Variants in TIAM1 observed in about 807,000 individuals in gnomAD.
TIAM1 encodes the protein TIAM Rac1 associated GEF 1, also known as rho guanine nucleotide exchange factor TIAM1.
Under a neutral mutation model 163.5 loss-of-function variants are expected in TIAM1, and 65 were observed. That is an observed-to-expected ratio of 0.40 (90% CI 0.33 to 0.49). The LOEUF is 0.49. Among genes scored for constraint, TIAM1 ranks in the 20% least tolerant of loss-of-function variants. The pLI is 0.77. For synonymous variants in TIAM1, 833 were observed against 810.1 expected, an observed-to-expected ratio of 1.03 and a Z score of -0.48; for missense variants, 1,789 against 2,044.7, an observed-to-expected ratio of 0.87 and a Z score of 2.41.
chr21:31,541,855 A>G (rs1025701462), intron 1 of TIAM1, among the ~76,000 whole-genome samples: 3 of 152,238 alleles, frequency 2.0e-5, no homozygotes, highest in African/African-American at 7.2e-5. Flanking sequence ...ACACATTTTA[A>G]AAGAGTAAGC....
intron 2 of TIAM1, among the ~76,000 whole-genome samples, chr21:31,451,932 G>C (rs528117646): frequency 6.6e-6 from 1 of 152,178 alleles, no homozygotes; most frequent in African/African-American, 2.4e-5. Flanking sequence ...CTAACACCCA[G>C]ACTAAAAATC....
At chr21:31,384,801 T>C (rs1241893787) in intron 2 of TIAM1, among the ~76,000 whole-genome samples, 3 of 152,186 alleles carry the variant, frequency 2.0e-5, no homozygotes, top group African/African-American at 7.2e-5. Context: ...CCATTTTTAG[T>C]GGTACATGGA....
At chr21:31,475,912 A>G (rs1479156898) in intron 1 of TIAM1, among the ~76,000 whole-genome samples, 1 of 152,222 alleles carries the variant, frequency 6.6e-6, no homozygotes, top group Non-Finnish European at 1.5e-5. Context: ...TCATTTTTAT[A>G]TAAACATCTG....
At chr21:31,200,291 C>T (rs7280303) in intron 12 of TIAM1, among the ~76,000 whole-genome samples, 26,201 of 151,704 alleles carry the variant, frequency 0.17, 3,332 homozygotes, top group East Asian at 0.4. Flanking sequence ...GAGCCAAGAT[C>T]GCGCCACTGC....
intron 2 of TIAM1, among the ~76,000 whole-genome samples, chr21:31,396,716 A>C (rs111598617): frequency 1.3e-5 from 2 of 151,728 alleles, no homozygotes; most frequent in South Asian, 4.1e-4. Context: ...TTGGGAGGCC[A>C]AGGTGGGCGG....
intron 2 of TIAM1, among the ~76,000 whole-genome samples, chr21:31,405,719 G>A (rs947798190): frequency 5.9e-5 from 9 of 151,996 alleles, no homozygotes; most frequent in Non-Finnish European, 1.0e-4. Context: ...GGAACAGCAC[G>A]GGAAAGCCCC....
rs2088118093 is a variant in TIAM1, at chr21:31,228,219, TTAAAA to T, written c.1585-2274_1585-2270del. Among the ~76,000 whole-genome samples the T allele has an allele frequency of 6.1e-3, 108 of 17,620 alleles. 1 individual carries two copies. Among genetic ancestry groups the T allele is most frequent in the Non-Finnish European group, 2.0e-3 (19 of 9,644 alleles). The allele number at this position is 17,620 out of a possible 152,430, so 11.6% of individuals were successfully genotyped here. On this transcript the variant is annotated intron_variant, in intron 6 of 27. Coordinates refer to ENST00000541036, the MANE Select transcript of TIAM1 (RefSeq NM_001353694.2). ...AGCCACCATGCCCGGCCTCCTTTTT[TTAAAA>T]AAAAAAAAAAAAAAAAAAAAAAAAA...
intron 3 of TIAM1, among the ~76,000 whole-genome samples, chr21:31,273,974 T>TG (rs929418248): frequency 4.6e-5 from 7 of 152,214 alleles, no homozygotes; most frequent in African/African-American, 1.7e-4. Flanking sequence ...CCCAGCACTC[T>TG]GGGGGGCCGA....
chr21:31,528,104 G>A (rs962685411), intron 1 of TIAM1, among the ~76,000 whole-genome samples: 3 of 152,196 alleles, frequency 2.0e-5, no homozygotes, highest in Non-Finnish European at 4.4e-5. Context: ...CTGACAGAGA[G>A]AAAGAGATAA....
chr21:31,467,541 C>T (rs960358209), intron 1 of TIAM1, among the ~76,000 whole-genome samples: 1 of 150,968 alleles, frequency 6.6e-6, no homozygotes, highest in African/African-American at 2.4e-5. Flanking sequence ...CAGAAGAATC[C>T]TTTGAACCCA....
intron 15 of TIAM1, among the ~76,000 whole-genome samples, chr21:31,165,758 T>C (rs1298088904): frequency 2.0e-5 from 3 of 152,110 alleles, no homozygotes; most frequent in Non-Finnish European, 2.9e-5. Flanking sequence ...AATTAATTCA[T>C]TAATTACTAA....
intron 2 of TIAM1, among the ~76,000 whole-genome samples, chr21:31,287,700 A>G (rs764016202): frequency 6.6e-6 from 1 of 152,214 alleles, no homozygotes; most frequent in Admixed American, 6.5e-5. Context: ...CCAATGTTGC[A>G]GTGAGGCGAG....
chr21:31,410,205 AGTGT>A (rs1555971303), intron 2 of TIAM1, among the ~76,000 whole-genome samples: 3 of 151,332 alleles, frequency 2.0e-5, no homozygotes, highest in African/African-American at 2.4e-5. Flanking sequence ...AGTGATTGTG[AGTGT>A]GTGTGAGACT....
chr21:31,120,523 TC>T lies in TIAM1; in HGVS notation c.4620del (p.Thr1542ProfsTer46). ...CGGGACGCGTGACTATCCAGGGTTT[TC>T]CGGCCTCTTTCCCGCTGACTGATGG... ...ATSISQRERG[R>X]KTLDSHASRM... On this transcript the variant is annotated frameshift_variant, in exon 28 of 28. Coordinates refer to ENST00000541036, the MANE Select transcript of TIAM1 (RefSeq NM_001353694.2). LOFTEE classifies it high-confidence loss of function. This position sits in a 1 kb window ranked among gnomAD's most constrained non-coding sequence, Gnocchi z 4.2. 23 of 1,614,218 alleles carry T rather than the reference TC, an allele frequency of 1.4e-5. No individual in the cohort carries two copies. Among genetic ancestry groups the T allele is most frequent in the Non-Finnish European group, 1.9e-5 (23 of 1,180,040 alleles).
chr21:31,326,668 T>G (rs1182885734), intron 2 of TIAM1, among the ~76,000 whole-genome samples: 1 of 152,182 alleles, frequency 6.6e-6, no homozygotes, highest in Non-Finnish European at 1.5e-5. Flanking sequence ...TCCCACCAGG[T>G]AATACTCGGG....
chr21:31,426,634 A>C (rs1413369847), intron 2 of TIAM1, among the ~76,000 whole-genome samples: 2 of 152,224 alleles, frequency 1.3e-5, no homozygotes. Context: ...CCACAATGTC[A>C]GGAGCTACAA....
At chr21:31,451,192 G>A (rs1241524392) in intron 2 of TIAM1, among the ~76,000 whole-genome samples, 5 of 152,246 alleles carry the variant, frequency 3.3e-5, no homozygotes, top group South Asian at 2.1e-4. Context: ...ATCAGGCCCA[G>A]AGCCACAGGT....
At chr21:31,547,730 C>T (rs1357382528) in intron 1 of TIAM1, among the ~76,000 whole-genome samples, 2 of 152,234 alleles carry the variant, frequency 1.3e-5, no homozygotes, top group African/African-American at 2.4e-5. Flanking sequence ...CATGGTAGAC[C>T]ATGCACCACA....
intron 1 of TIAM1, among the ~76,000 whole-genome samples, chr21:31,340,837 TAAGA>T (rs2075994453): frequency 6.7e-6 from 1 of 149,342 alleles, no homozygotes; most frequent in African/African-American, 2.5e-5. Flanking sequence ...GAGCAGTGGG[TAAGA>T]TCCTTAGGAG....
Sources: gnomAD v4.1 joint callset for allele counts (sites outside exome capture counted in the v4.1 genomes callset) on GRCh38, gnomAD v4.1.1 for gene constraint, Gnocchi (gnomAD v3.1) non-coding constraint, MANE v1.5 for transcripts, NCBI Gene and HGNC (gene_info 2026-07-23, HGNC 2026-07-21) for gene names.